The following SHROOM3 variants were observed in gnomAD, a reference collection of about 807,000 sequenced individuals.
The protein encoded by SHROOM3 is shroom family member 3.
In SHROOM3, 47 loss-of-function variants were observed where a neutral mutation model predicts 138.6. The ratio of observed to expected loss-of-function variants is 0.34; its 90% CI spans 0.27 to 0.43. SHROOM3 has a LOEUF of 0.43. Ranked by LOEUF, SHROOM3 falls within the 20% of genes least tolerant of loss-of-function variation. The pLI, the probability that SHROOM3 is intolerant of heterozygous loss-of-function variation, is 1.00. For synonymous variants in SHROOM3, 1,062 were observed against 1,063.3 expected, an observed-to-expected ratio of 1.00 and a Z score of 0.02; for missense variants, 2,491 against 2,596.5, an observed-to-expected ratio of 0.96 and a Z score of 0.88.
chr4:76,557,548 G>A (rs1733512162), intron 2 of SHROOM3, among the ~76,000 whole-genome samples: 1 of 151,948 alleles, frequency 6.6e-6, no homozygotes, highest in East Asian at 1.9e-4. Flanking sequence ...GGTAAAACAT[G>A]GTGACTACAG....
chr4:76,732,191 G>C lies in SHROOM3; in HGVS notation c.587+1256G>C, dbSNP rs935677837. ...AATGCTTAGATAGCGCTAATGTAGC[G>C]AGGTCAGGAAAATAAGGGTCACTTA... On this transcript the variant is annotated intron_variant, in intron 4 of 10. Coordinates refer to ENST00000296043, the MANE Select transcript of SHROOM3 (RefSeq NM_020859.4). 5.3e-5 allele frequency among the ~76,000 whole-genome samples: 8 copies of C among 152,214 alleles called. No individual in the cohort carries two copies. In the East Asian group the frequency reaches 1.3e-3, roughly 26 times the overall value.
At chr4:76,656,832 T>C (rs1736074252) in intron 2 of SHROOM3, among the ~76,000 whole-genome samples, 1 of 151,962 alleles carries the variant, frequency 6.6e-6, no homozygotes, top group Non-Finnish European at 1.5e-5. Flanking sequence ...CCTTCAAGAG[T>C]TGTGAAAAAT....
intron 1 of SHROOM3, among the ~76,000 whole-genome samples, chr4:76,437,919 AG>A (rs1730592929): frequency 6.6e-6 from 1 of 152,228 alleles, no homozygotes; most frequent in African/African-American, 2.4e-5. Flanking sequence ...GCTGACAGAA[AG>A]GTCTAATCCT....
At chr4:76,481,652 C>T (rs974825354) in intron 1 of SHROOM3, among the ~76,000 whole-genome samples, 1 of 151,782 alleles carries the variant, frequency 6.6e-6, no homozygotes, top group Non-Finnish European at 1.5e-5. Flanking sequence ...ACTCATTTTA[C>T]TCCTCCCAGC....
intron 1 of SHROOM3, among the ~76,000 whole-genome samples, chr4:76,536,405 A>AT (rs1479520883): frequency 6.6e-6 from 1 of 152,014 alleles, no homozygotes; most frequent in Non-Finnish European, 1.5e-5. Context: ...AGCTGTATTG[A>AT]TTTTTTTTCT....
intron 1 of SHROOM3, among the ~76,000 whole-genome samples, chr4:76,494,348 C>T (rs1420126133): frequency 6.6e-6 from 1 of 152,196 alleles, no homozygotes; most frequent in Non-Finnish European, 1.5e-5. Flanking sequence ...TAGGGTTTTA[C>T]CCTGGTATGT....
At chr4:76,701,827 C>A (rs1382885945) in intron 2 of SHROOM3, among the ~76,000 whole-genome samples, 1 of 152,120 alleles carries the variant, frequency 6.6e-6, no homozygotes, top group African/African-American at 2.4e-5. Flanking sequence ...CTTTCTGCTG[C>A]CCACATATGC....
chr4:76,755,264 C>T (rs1222675400), intron 7 of SHROOM3, 72 bp downstream of exon 7: 40 of 1,537,548 alleles, frequency 2.6e-5, no homozygotes, highest in Non-Finnish European at 3.4e-5. Context: ...CCAGGTCCTT[C>T]TGCTGGCCAC....
At chr4:76,570,934 T>C (rs1450043703) in intron 2 of SHROOM3, among the ~76,000 whole-genome samples, 1 of 152,210 alleles carries the variant, frequency 6.6e-6, no homozygotes. Flanking sequence ...CATGAGGTGA[T>C]TGGACTGGAT....
At chr4:76,643,632 A>G (rs1735739150) in intron 2 of SHROOM3, among the ~76,000 whole-genome samples, 1 of 152,218 alleles carries the variant, frequency 6.6e-6, no homozygotes, top group Non-Finnish European at 1.5e-5. Context: ...GTTTAAGGTT[A>G]TCAGTATATA....
intron 2 of SHROOM3, among the ~76,000 whole-genome samples, chr4:76,677,247 G>A (rs895434581): frequency 6.6e-6 from 1 of 152,060 alleles, no homozygotes; most frequent in Non-Finnish European, 1.5e-5. Flanking sequence ...TACCTTCTAG[G>A]AGATAGCAAA....
At chr4:76,710,006 G>C in intron 2 of SHROOM3, 150 bp from the exon 3 acceptor site, 2 of 912,132 alleles carry the variant, frequency 2.2e-6, no homozygotes, top group Non-Finnish European at 3.4e-6. Flanking sequence ...AACTTTGTTA[G>C]GTGCAGGCTT....
At position 76,579,239 on chromosome 4, in the gene SHROOM3, C is replaced by A. The variant is rs377208747; in HGVS notation, c.323+23476C>A. On this transcript the variant is annotated intron_variant, in intron 2 of 10. Coordinates refer to ENST00000296043, the MANE Select transcript of SHROOM3 (RefSeq NM_020859.4). ...ATCCCAGCACTTTGGGAGGCCAAGG[C>A]GGGCAGATCACGAGGTCAAGAAATC... Among the ~76,000 whole-genome samples the A allele has an allele frequency of 4.6e-5, 7 of 151,806 alleles. No homozygotes were observed. In the East Asian group the frequency reaches 1.2e-3, roughly 25 times the overall value.
Position 76,710,007 on chromosome 4 carries a change from G to A in SHROOM3, c.324-149G>A, listed in dbSNP as rs561076205. ...TTCGTAGGGCAGAGAACTTTGTTAG[G>A]TGCAGGCTTAGAACCCTGCACTTAG... is the stretch of plus-strand genomic sequence containing the variant. On this transcript the variant is annotated intron_variant, in intron 2 of 10. Transcript: ENST00000296043. The A allele has an allele frequency of 2.1e-5, 20 of 943,158 alleles. No individual in the cohort carries two copies. The East Asian group carries it at 4.2e-4, about 20-fold the overall frequency. The allele number at this position is 943,158 out of a possible 1,614,324, so 58.4% of individuals were successfully genotyped here.
rs192771199 is a variant in SHROOM3, at chr4:76,680,643, T to G, written c.324-29513T>G. Among the ~76,000 whole-genome samples, 23 of 152,352 alleles carry G rather than the reference T, an allele frequency of 1.5e-4. No homozygotes were observed. In the East Asian group the frequency reaches 4.0e-3, roughly 27 times the overall value. On this transcript the variant is annotated intron_variant, in intron 2 of 10. Transcript: ENST00000296043. ...TAAGCACTTCCTTTATAGCAGGGAC[T>G]ATCCTAAGTGCTTCATATAAAGTAT...
intron 2 of SHROOM3, chr4:76,688,664 C>T: frequency 1.0e-6 from 1 of 985,374 alleles, no homozygotes. Context: ...TAGCACCATC[C>T]CTTCCTTTAG....
intron 1 of SHROOM3, among the ~76,000 whole-genome samples, chr4:76,500,978 T>A (rs925454325): frequency 2.0e-5 from 3 of 152,124 alleles, no homozygotes; most frequent in East Asian, 1.9e-4. Context: ...GGCTAATTTT[T>A]AAAATTATTT....
At chr4:76,512,608 C>A (rs1336387650) in intron 1 of SHROOM3, among the ~76,000 whole-genome samples, 1 of 152,042 alleles carries the variant, frequency 6.6e-6, no homozygotes, top group African/African-American at 2.4e-5. Context: ...AAACTGGTGG[C>A]CTTTTTGGTG....
chr4:76,513,346 CAG>C (rs1732377962), intron 1 of SHROOM3, among the ~76,000 whole-genome samples: 1 of 149,806 alleles, frequency 6.7e-6, no homozygotes, highest in African/African-American at 2.5e-5. Flanking sequence ...TTTTTTGAGA[CAG>C]AGTCTTGCTC....
Sources: gnomAD v4.1 joint callset for allele counts (sites outside exome capture counted in the v4.1 genomes callset) on GRCh38, gnomAD v4.1.1 for gene constraint, MANE v1.5 for transcripts, NCBI Gene and HGNC (gene_info 2026-07-23, HGNC 2026-07-21) for gene names.